Variants in FHIT observed in about 807,000 individuals in gnomAD.
FHIT encodes fragile histidine triad diadenosine triphosphatase.
A neutral mutation model predicts 17.9 loss-of-function variants in FHIT; 19 were observed. The observed-to-expected ratio is 1.06, with a 90% CI of 0.74 to 1.56. The LOEUF is 1.56. FHIT is among the 40% of genes most tolerant of loss of function. The pLI, the probability that FHIT is intolerant of heterozygous loss-of-function variation, is 0.00. For synonymous variants in FHIT, 81 were observed against 69.7 expected (o/e 1.16, Z -0.81); for missense variants, 248 against 189.2 (o/e 1.31, Z -1.82).
chr3:59,855,583 T>C (rs909945799), intron 8 of FHIT, among the ~76,000 whole-genome samples: 1 of 152,132 alleles, frequency 6.6e-6, no homozygotes, highest in Non-Finnish European at 1.5e-5. Flanking sequence ...AATCTGTACT[T>C]ATAATAGAAG....
chr3:60,091,317 G>T (rs1328685976), intron 5 of FHIT, among the ~76,000 whole-genome samples: 1 of 152,178 alleles, frequency 6.6e-6, no homozygotes, highest in African/African-American at 2.4e-5. Flanking sequence ...TAAAGAGGAA[G>T]GGTCTTTGGT....
chr3:60,071,800 TAATTGAC>T (rs1702784293), intron 5 of FHIT, among the ~76,000 whole-genome samples: 1 of 152,168 alleles, frequency 6.6e-6, no homozygotes, highest in Non-Finnish European at 1.5e-5. Flanking sequence ...CGGTGAGAGG[TAATTGAC>T]CCATGGGGGC....
intron 3 of FHIT, among the ~76,000 whole-genome samples, chr3:60,911,910 T>A (rs1385940198): frequency 6.6e-6 from 1 of 152,172 alleles, no homozygotes; most frequent in East Asian, 1.9e-4. Context: ...CCGATATTTA[T>A]TCTGGTAAAG....
At chr3:60,464,203 T>C (rs755967253) in intron 5 of FHIT, among the ~76,000 whole-genome samples, 4 of 152,164 alleles carry the variant, frequency 2.6e-5, no homozygotes, top group Admixed American at 6.5e-5. Context: ...TAGGTTCCCC[T>C]GCATTCATTT....
intron 4 of FHIT, among the ~76,000 whole-genome samples, chr3:60,567,099 GA>G (rs1487252882): frequency 7.0e-6 from 1 of 142,112 alleles, no homozygotes; most frequent in African/African-American, 2.6e-5. Context: ...CACAGAATTG[GA>G]AAAAACTACT....
intron 3 of FHIT, among the ~76,000 whole-genome samples, chr3:60,969,234 AT>A (rs1363581973): frequency 6.6e-6 from 1 of 152,146 alleles, no homozygotes; most frequent in East Asian, 1.9e-4. Context: ...TTCCCTAAAA[AT>A]ATATCAAATT....
intron 5 of FHIT, among the ~76,000 whole-genome samples, chr3:60,068,091 C>T (rs1014362254): frequency 3.3e-5 from 5 of 152,006 alleles, no homozygotes; most frequent in African/African-American, 1.2e-4. Flanking sequence ...CAAAAATTAG[C>T]CAAGTGTGAT....
At chr3:59,978,292 T>G (rs62240113) in intron 7 of FHIT, among the ~76,000 whole-genome samples, 13,317 of 152,124 alleles carry the variant, frequency 0.088, 821 homozygotes, top group South Asian at 0.15. Context: ...AGGCCTGTCA[T>G]AAAGCCGTGC....
chr3:59,899,419 C>T (rs1704223285), intron 8 of FHIT, among the ~76,000 whole-genome samples: 1 of 152,144 alleles, frequency 6.6e-6, no homozygotes. Context: ...CCTCAAGGAG[C>T]CCTCATCTAG....
chr3:60,547,217 G>C (rs2036396579), intron 4 of FHIT, among the ~76,000 whole-genome samples: 1 of 152,148 alleles, frequency 6.6e-6, no homozygotes, highest in Admixed American at 6.5e-5. Context: ...CCAATATTCT[G>C]TGGAATTTTC....
intron 4 of FHIT, among the ~76,000 whole-genome samples, chr3:60,570,842 T>C (rs1398370873): frequency 6.6e-6 from 1 of 150,452 alleles, no homozygotes; most frequent in Non-Finnish European, 1.5e-5. Context: ...TCCACTACTG[T>C]CAACACAAAA....
At chr3:60,889,059 A>G (rs879994010) in intron 3 of FHIT, among the ~76,000 whole-genome samples, 8 of 151,938 alleles carry the variant, frequency 5.3e-5, no homozygotes, top group Non-Finnish European at 1.2e-4. Context: ...ACTCATTCCA[A>G]TTCCTACTCC....
intron 8 of FHIT, among the ~76,000 whole-genome samples, chr3:59,760,933 C>T (rs1201496547): frequency 2.6e-5 from 4 of 152,106 alleles, no homozygotes; most frequent in African/African-American, 9.7e-5. Flanking sequence ...GCCACTTCCG[C>T]CTCCTAAAGT....
rs1292605459 is a variant in FHIT, at chr3:61,208,084, C to T, written c.-212-7419G>A. On this transcript the variant is annotated intron_variant, in intron 1 of 9. Coordinates refer to ENST00000492590, the MANE Select transcript of FHIT (RefSeq NM_002012.4). ...CATTTCGTTATGTACCCCATAGTCA[C>T]TCAGGAGCAGGTTGTTCAGTTTCCA... is the stretch of plus-strand genomic sequence containing the variant. Among the ~76,000 whole-genome samples, 21 of 152,202 alleles carry T rather than the reference C, an allele frequency of 1.4e-4. No individual in the cohort carries two copies. The South Asian group carries it at 2.1e-3, about 15-fold the overall frequency.
chr3:61,023,433 G>C (rs955288392), intron 3 of FHIT, among the ~76,000 whole-genome samples: 1 of 152,140 alleles, frequency 6.6e-6, no homozygotes, highest in Non-Finnish European at 1.5e-5. Context: ...GTAATTTATA[G>C]ATTCAATGCC....
At position 60,226,472 on chromosome 3, in the gene FHIT, C is replaced by CAAAAAAAAAAAAAAAAAAAAAA. The variant is rs1189100387; in HGVS notation, c.104-212342_104-212321dup. Among the ~76,000 whole-genome samples, 3 of 70,148 alleles carry CAAAAAAAAAAAAAAAAAAAAAA rather than the reference C, an allele frequency of 4.3e-5. 1 individual carries two copies. The highest frequency in any genetic ancestry group is 5.8e-5 in the African/African-American group (1 of 17,276). The allele number at this position is 70,148 out of a possible 152,430, so 46.0% of individuals were successfully genotyped here. ...GGGCAACAAGAGTGAAACTCCGTCTCAAAAAAAAAAAAAAAAAAAAAACAC... is the reference window on the plus strand; with the variant it reads ...GGGCAACAAGAGTGAAACTCCGTCTCAAAAAAAAAAAAAAAAAAAAAAAAAAAAAAAAAAAAAAAAAAAACAC... On this transcript the variant is annotated intron_variant, in intron 5 of 9. Coordinates refer to ENST00000492590, the MANE Select transcript of FHIT (RefSeq NM_002012.4).
At chr3:59,953,828 T>C (rs1014515668) in intron 7 of FHIT, among the ~76,000 whole-genome samples, 2 of 152,228 alleles carry the variant, frequency 1.3e-5, no homozygotes, top group African/African-American at 2.4e-5. Flanking sequence ...GGTAGCATCC[T>C]GTACCCCGAG....
chr3:59,891,278 G>A (rs1222772261), intron 8 of FHIT, among the ~76,000 whole-genome samples: 1 of 152,184 alleles, frequency 6.6e-6, no homozygotes, highest in East Asian at 1.9e-4. Context: ...TTCCCTCAAG[G>A]AGGCTACCAT....
intron 5 of FHIT, among the ~76,000 whole-genome samples, chr3:60,451,985 C>G (rs1484766477): frequency 6.6e-6 from 1 of 152,118 alleles, no homozygotes; most frequent in Non-Finnish European, 1.5e-5. Context: ...TTCAGTGGGC[C>G]TAACTCCAAT....
Sources: allele counts gnomAD v4.1 joint callset (sites outside exome capture counted in the v4.1 genomes callset), GRCh38; gene constraint gnomAD v4.1.1; transcripts MANE v1.5; gene names NCBI Gene and HGNC (gene_info 2026-07-23, HGNC 2026-07-21).